Variants in HDAC8 observed in about 807,000 individuals in gnomAD.
HDAC8 encodes histone deacetylase-like 1.
Under a neutral mutation model 32.2 loss-of-function variants are expected in HDAC8, and 1 was observed. The observed-to-expected ratio is 0.03, with a 90% CI of 0.01 to 0.15. The LOEUF is 0.15. Ranked by LOEUF, HDAC8 falls within the 10% of genes least tolerant of loss-of-function variation. The pLI is 1.00. For missense variants in HDAC8, 117 were observed against 300.0 expected (o/e 0.39, Z 4.51); for synonymous variants, 108 against 113.9 (o/e 0.95, Z 0.33).
At chrX:72,333,310 C>G (rs1175554655) in intron 10 of HDAC8, among the ~76,000 whole-genome samples, 3 of 111,933 alleles carry the variant, frequency 2.7e-5, no homozygotes, top group Non-Finnish European at 5.6e-5. Flanking sequence ...CAGGTCACTG[C>G]GACAACCTCT....
At chrX:72,356,962 G>A (rs782669160) in intron 9 of HDAC8, among the ~76,000 whole-genome samples, 1 of 110,920 alleles carries the variant, frequency 9.0e-6, no homozygotes, top group Admixed American at 9.6e-5. Flanking sequence ...CGTGGAGAAG[G>A]TATCGGAATT....
chrX:72,406,158 AC>A (rs1391997099), intron 9 of HDAC8, among the ~76,000 whole-genome samples: 1 of 111,818 alleles, frequency 8.9e-6, no homozygotes, highest in East Asian at 2.8e-4. Flanking sequence ...TGGGAGGGGT[AC>A]ATTCTTCCAT....
intron 7 of HDAC8, among the ~76,000 whole-genome samples, chrX:72,482,188 T>C (rs1046351401): frequency 9.0e-6 from 1 of 110,865 alleles, no homozygotes; most frequent in East Asian, 2.8e-4. Flanking sequence ...GACCAAGAGG[T>C]GGTATAAATT....
chrX:72,558,097 C>A (rs1208215385), intron 4 of HDAC8, among the ~76,000 whole-genome samples: 1 of 111,583 alleles, frequency 9.0e-6, no homozygotes, highest in Non-Finnish European at 1.9e-5. Context: ...ACAACAACAA[C>A]AAAAAATGCC....
intron 2 of HDAC8, among the ~76,000 whole-genome samples, chrX:72,569,965 G>C (rs1337888405): frequency 8.9e-6 from 1 of 112,332 alleles, no homozygotes; most frequent in African/African-American, 3.2e-5. Context: ...AGTTGAAGGA[G>C]CCCTGACCTG....
chrX:72,416,408 G>GGTTT (rs2046335990), intron 9 of HDAC8, among the ~76,000 whole-genome samples: 1 of 3,686 alleles, frequency 2.7e-4, no homozygotes, highest in Non-Finnish European at 8.5e-4. Flanking sequence ...TGTCTTCTCT[G>GGTTT]TTTTTTTTTT....
Position 72,475,744 on chromosome X carries a change from T to C in HDAC8, c.738-11013A>G, listed in dbSNP as rs141475942. Among the ~76,000 whole-genome samples the C allele has an allele frequency of 8.3e-3, 913 of 109,557 alleles. 10 individuals are homozygous for C. Among genetic ancestry groups the C allele is most frequent in the African/African-American group, 0.03 (878 of 29,226 alleles). On this transcript the variant is annotated intron_variant, in intron 7 of 10. Transcript: ENST00000373573. ...TTAGCATCAAACAAGCTGTACTGGT[T>C]CCATGAACTTCTAAAAACATGAAAG...
chrX:72,540,197 T>C (rs1422907273), intron 4 of HDAC8, among the ~76,000 whole-genome samples: 10 of 112,840 alleles, frequency 8.9e-5, no homozygotes, highest in Non-Finnish European at 1.9e-4. Flanking sequence ...GAGTGTTATC[T>C]TTATCAGCCA....
At chrX:72,357,747 G>A (rs1387720836) in intron 9 of HDAC8, among the ~76,000 whole-genome samples, 2 of 110,814 alleles carry the variant, frequency 1.8e-5, no homozygotes, top group South Asian at 3.9e-4. Flanking sequence ...AGATAGTACC[G>A]AGCCTGATTG....
chrX:72,350,964 A>C, intron 10 of HDAC8, among the ~76,000 whole-genome samples: 1 of 111,620 alleles, frequency 9.0e-6, no homozygotes, highest in South Asian at 3.8e-4. Flanking sequence ...CAGGTAACCC[A>C]CTCCCAGGGC....
At chrX:72,349,996 G>A (rs782166713) in intron 10 of HDAC8, among the ~76,000 whole-genome samples, 22 of 111,745 alleles carry the variant, frequency 2.0e-4, no homozygotes, top group Non-Finnish European at 3.0e-4. Context: ...CAGTTCTGAG[G>A]AACACAGGAC....
chrX:72,476,744 A>G (rs1372270445), intron 7 of HDAC8, among the ~76,000 whole-genome samples: 3 of 111,887 alleles, frequency 2.7e-5, no homozygotes, highest in Non-Finnish European at 5.6e-5. Context: ...AGCATCAGGC[A>G]TATAGTAAGC....
At chrX:72,470,715 C>T (rs2148061574) in intron 7 of HDAC8, among the ~76,000 whole-genome samples, 1 of 111,914 alleles carries the variant, frequency 8.9e-6, no homozygotes, top group East Asian at 2.8e-4. Flanking sequence ...TTACCATATC[C>T]AAAAGCCTTT....
At chrX:72,556,569 G>A (rs1556094173) in intron 4 of HDAC8, among the ~76,000 whole-genome samples, 1 of 111,530 alleles carries the variant, frequency 9.0e-6, no homozygotes, top group African/African-American at 3.3e-5. Context: ...GATATTCCAT[G>A]CAAATGGACA....
chrX:72,563,751 G>C (rs1437840035), intron 4 of HDAC8, among the ~76,000 whole-genome samples: 4 of 110,371 alleles, frequency 3.6e-5, no homozygotes, highest in Non-Finnish European at 7.6e-5. Context: ...AAAAAATTAG[G>C]CCACATTCCC....
chrX:72,382,715 T>C (rs782577870), intron 9 of HDAC8, among the ~76,000 whole-genome samples: 74 of 111,602 alleles, frequency 6.6e-4, no homozygotes, highest in African/African-American at 2.4e-3. Context: ...GAAAGTAGAT[T>C]GGTTGTTTCC....
chrX:72,427,065 T>C (rs1443667229), intron 9 of HDAC8, among the ~76,000 whole-genome samples: 1 of 110,678 alleles, frequency 9.0e-6, no homozygotes, highest in African/African-American at 3.3e-5. Context: ...TAAATTTCTG[T>C]TGTTTAAGCC....
rs781867866 is a variant in HDAC8 at position 72,439,029 on chromosome X, G to A, written c.1005+22975C>T. On this transcript the variant is annotated intron_variant, in intron 9 of 10. Coordinates refer to ENST00000373573, the MANE Select transcript of HDAC8 (RefSeq NM_018486.3). ...CATAATTGTTAGATTCACCAAGATT[G>A]AAATGAAGGAAAAATTGTTAAGGGC... Among the ~76,000 whole-genome samples, 188 of 111,586 alleles carry A rather than the reference G, an allele frequency of 1.7e-3. 2 individuals are homozygous for A. The Middle Eastern group carries it at 0.019, about 11-fold the overall frequency.
At chrX:72,397,391 T>C (rs781841358) in intron 9 of HDAC8, among the ~76,000 whole-genome samples, 11 of 112,380 alleles carry the variant, frequency 9.8e-5, no homozygotes, top group Non-Finnish European at 1.7e-4. Context: ...TCCTCTCCAT[T>C]CTTCATTTAA....
Sources: gnomAD v4.1 joint callset for allele counts (sites outside exome capture counted in the v4.1 genomes callset) on GRCh38, gnomAD v4.1.1 for gene constraint, MANE v1.5 for transcripts, NCBI Gene and HGNC (gene_info 2026-07-23, HGNC 2026-07-21) for gene names.